The following NAV2 variants were observed in gnomAD, a reference collection of about 807,000 sequenced individuals.
NAV2 encodes helicase, APC down-regulated 1.
Under a neutral mutation model 223.2 loss-of-function variants are expected in NAV2, and 54 were observed. The ratio of observed to expected loss-of-function variants is 0.24; its 90% CI spans 0.19 to 0.30. The LOEUF (loss-of-function observed/expected upper bound fraction) is 0.30, where lower values mean the gene tolerates loss of function less well. Among genes scored for constraint, NAV2 ranks in the 10% least tolerant of loss-of-function variants. NAV2 has a pLI of 1.00. For synonymous variants in NAV2, 1,279 were observed against 1,239.3 expected (o/e 1.03, Z -0.67); for missense variants, 2,806 against 3,147.5 (o/e 0.89, Z 2.60).
chr11:19,562,905 C>A (rs1009142575), intron 1 of NAV2, among the ~76,000 whole-genome samples: 6 of 152,210 alleles, frequency 3.9e-5, no homozygotes, highest in African/African-American at 1.4e-4. Flanking sequence ...GTCTATCCAT[C>A]TAATCTCATG....
chr11:19,792,011 T>A (rs2057557404), intron 1 of NAV2, among the ~76,000 whole-genome samples: 1 of 152,210 alleles, frequency 6.6e-6, no homozygotes, highest in Non-Finnish European at 1.5e-5. Context: ...TGGGCCCCCA[T>A]GAGAGGACTG....
At chr11:19,777,180 T>G (rs1403750806) in intron 1 of NAV2, among the ~76,000 whole-genome samples, 1 of 146,730 alleles carries the variant, frequency 6.8e-6, no homozygotes, top group African/African-American at 2.5e-5. Context: ...GGGCGAGTTG[T>G]TTGATTTGGC....
chr11:20,065,034 T>TA (rs546769256), intron 20 of NAV2, among the ~76,000 whole-genome samples: 48 of 151,200 alleles, frequency 3.2e-4, no homozygotes, highest in Non-Finnish European at 6.2e-4. Flanking sequence ...TTTGCAGACT[T>TA]AAAAAAAAAT....
At position 19,984,205 on chromosome 11, in the gene NAV2, C is replaced by T. The variant is rs1490068462; in HGVS notation, c.2726C>T (p.Thr909Ile). The T allele has an allele frequency of 1.9e-6, 3 of 1,614,178 alleles. No homozygotes were observed. Among genetic ancestry groups the T allele is most frequent in the South Asian group, 2.2e-5 (2 of 91,088 alleles). The change falls in exon 11 of 38, where the codon ACC becomes ATC. Residue 909 changes from threonine (T) to isoleucine (I), a missense_variant. By Grantham distance (89) the Thr-to-Ile change is moderately conservative. Coordinates refer to ENST00000349880, the MANE Select transcript of NAV2 (RefSeq NM_145117.5). ...GATGGGATGGCTGTGGTACGGGAGA[C>T]CCTGCAACGAAATACCTCCCTGGGC... is the stretch of plus-strand genomic sequence containing the variant. Reference protein sequence around the residue: ...LPDGMAVVRETLQRNTSLGLG... With the variant: ...LPDGMAVVREILQRNTSLGLG...
intron 1 of NAV2, among the ~76,000 whole-genome samples, chr11:19,660,926 TGTG>T (rs891838295): frequency 3.9e-5 from 6 of 152,094 alleles, no homozygotes; most frequent in Admixed American, 6.5e-5. Flanking sequence ...TTTTTTTAAT[TGTG>T]GTGGAAATAT....
At chr11:19,488,249 G>T (rs1490620862) in intron 1 of NAV2, among the ~76,000 whole-genome samples, 1 of 152,084 alleles carries the variant, frequency 6.6e-6, no homozygotes, top group Non-Finnish European at 1.5e-5. Context: ...TGTATCCGTT[G>T]ATTGAAAAGA....
At chr11:19,646,035 G>A (rs944156158) in intron 1 of NAV2, among the ~76,000 whole-genome samples, 4 of 152,138 alleles carry the variant, frequency 2.6e-5, no homozygotes, top group Non-Finnish European at 4.4e-5. Flanking sequence ...TGGCTGCCAC[G>A]GGCAGTGATA....
intron 4 of NAV2, among the ~76,000 whole-genome samples, chr11:19,878,168 G>A (rs1023050688): frequency 6.6e-6 from 1 of 152,128 alleles, no homozygotes; most frequent in Admixed American, 6.5e-5. Flanking sequence ...CTGTGGTCCT[G>A]GTATAATTAA....
chr11:19,949,064 G>T lies in NAV2; in HGVS notation c.2629G>T (p.Asp877Tyr), dbSNP rs898468545. Residue 877 changes from aspartate (D) to tyrosine (Y), a missense_variant, in exon 10 of 38, where the codon GAT (aspartate) becomes TAT (tyrosine). Asp to Tyr is a radical substitution (Grantham distance 160, BLOSUM62 -3). Transcript: ENST00000349880. The stretch of plus-strand genomic sequence containing the variant: ...TGTTCTGAGCAAGAACATCCGGACC[G>T]ATGACATTACAAGCGGGTAAGTACC... ...GDVLSKNIRT[D>Y]DITSGYMTDG... 3 of 1,607,824 alleles carry T rather than the reference G, an allele frequency of 1.9e-6. No individual in the cohort carries two copies. In the South Asian group the frequency reaches 3.3e-5, roughly 18 times the overall value.
chr11:19,399,309 C>T (rs1849589041), intron 1 of NAV2, among the ~76,000 whole-genome samples: 2 of 152,234 alleles, frequency 1.3e-5, no homozygotes, highest in Non-Finnish European at 2.9e-5. Context: ...CCTGGAGAGT[C>T]AGCAGCTCTT....
At chr11:19,510,571 G>A (rs1235250876) in intron 1 of NAV2, among the ~76,000 whole-genome samples, 1 of 152,190 alleles carries the variant, frequency 6.6e-6, no homozygotes, top group African/African-American at 2.4e-5. Flanking sequence ...TGAGGAAACA[G>A]GTGAGAGGAG....
At chr11:19,506,299 G>T (rs978573882) in intron 1 of NAV2, 9 of 152,232 alleles carry the variant, frequency 5.9e-5, no homozygotes, top group African/African-American at 2.2e-4. Context: ...CATACTCCAG[G>T]ACTTGTAGCC....
chr11:19,451,025 A>C (rs997322878), intron 1 of NAV2, among the ~76,000 whole-genome samples: 3 of 152,140 alleles, frequency 2.0e-5, no homozygotes, highest in Non-Finnish European at 4.4e-5. Context: ...GTGGCCACTT[A>C]GTAAATCACC....
intron 1 of NAV2, among the ~76,000 whole-genome samples, chr11:19,582,442 T>A (rs1003439532): frequency 6.6e-6 from 1 of 152,248 alleles, no homozygotes; most frequent in Admixed American, 6.5e-5. Context: ...TCCTTGCCCA[T>A]GCTTATGTCC....
chr11:19,536,458 A>G (rs11025169), intron 1 of NAV2, among the ~76,000 whole-genome samples: 28,917 of 152,134 alleles, frequency 0.19, 4,340 homozygotes, highest in African/African-American at 0.42. Flanking sequence ...TCACTGAAGT[A>G]CATGTTAAAA....
intron 10 of NAV2, among the ~76,000 whole-genome samples, chr11:19,983,342 T>C (rs774180755): frequency 2.6e-5 from 4 of 152,160 alleles, no homozygotes; most frequent in African/African-American, 7.2e-5. Context: ...ACTGATTTCA[T>C]CAGAAGACAG....
intron 1 of NAV2, among the ~76,000 whole-genome samples, chr11:19,678,926 A>C (rs1440529390): frequency 6.6e-6 from 1 of 152,216 alleles, no homozygotes; most frequent in Non-Finnish European, 1.5e-5. Flanking sequence ...CCACGAGCTA[A>C]ACCGACCTCT....
chr11:19,576,785 C>T (rs56765053), intron 1 of NAV2, among the ~76,000 whole-genome samples: 1,626 of 152,268 alleles, frequency 0.011, 30 homozygotes, highest in African/African-American at 0.037. Context: ...CAGAAGGGAA[C>T]CCTGAGCCTT....
At chr11:19,895,783 A>G (rs1318039112) in intron 6 of NAV2, among the ~76,000 whole-genome samples, 1 of 152,150 alleles carries the variant, frequency 6.6e-6, no homozygotes, top group Non-Finnish European at 1.5e-5. Flanking sequence ...GTTTACTTTC[A>G]GAAACTTCTG....
Sources: allele counts gnomAD v4.1 joint callset (sites outside exome capture counted in the v4.1 genomes callset), GRCh38; gene constraint gnomAD v4.1.1; transcripts MANE v1.5; gene names NCBI Gene and HGNC (gene_info 2026-07-23, HGNC 2026-07-21).